PRKCZ: variants seen among roughly 807,000 people sequenced by gnomAD.
PRKCZ encodes the protein protein kinase C zeta, also known as protein kinase C zeta type.
Under a neutral mutation model 79.5 loss-of-function variants are expected in PRKCZ, and 33 were observed. The ratio of observed to expected loss-of-function variants is 0.41; its 90% CI spans 0.31 to 0.55. The LOEUF is 0.55. Among genes scored for constraint, PRKCZ ranks in the 20% least tolerant of loss-of-function variants. The pLI is 0.19. For synonymous variants in PRKCZ, 342 were observed against 320.9 expected, an observed-to-expected ratio of 1.07 and a Z score of -0.70; for missense variants, 578 against 813.5, an observed-to-expected ratio of 0.71 and a Z score of 3.52.
intron 4 of PRKCZ, among the ~76,000 whole-genome samples, chr1:2,106,700 CGGTGGGCG>C (rs1557575181): frequency 7.0e-4 from 34 of 48,462 alleles, no homozygotes; most frequent in African/African-American, 3.2e-3. Context: ...CAAGCCCCTC[CGGTGGGCG>C]AGGACCTCCA....
At chr1:2,167,464 CG>C (rs1683559217) in intron 10 of PRKCZ, among the ~76,000 whole-genome samples, 1 of 151,986 alleles carries the variant, frequency 6.6e-6, no homozygotes, top group Admixed American at 6.6e-5. Flanking sequence ...CCTTCCCAGG[CG>C]CCGCAGCAGC....
chr1:2,181,184 C>T (rs1572050397), intron 16 of PRKCZ, among the ~76,000 whole-genome samples: 1 of 152,196 alleles, frequency 6.6e-6, no homozygotes, highest in East Asian at 1.9e-4. Flanking sequence ...CCCCCTCAGC[C>T]CCTTCACTCG....
intron 4 of PRKCZ, among the ~76,000 whole-genome samples, chr1:2,099,146 C>A (rs1667033204): frequency 6.6e-6 from 1 of 152,212 alleles, no homozygotes; most frequent in Non-Finnish European, 1.5e-5. Context: ...AGGAGCCACA[C>A]AGCTGTGTGG....
At chr1:2,107,425 T>C (rs984622456) in intron 4 of PRKCZ, among the ~76,000 whole-genome samples, 12 of 152,222 alleles carry the variant, frequency 7.9e-5, no homozygotes, top group African/African-American at 2.9e-4. Context: ...CCCGTGCCCG[T>C]TGGGCTGGGC....
At chr1:2,130,471 C>T (rs1388705797) in intron 4 of PRKCZ, among the ~76,000 whole-genome samples, 1 of 152,208 alleles carries the variant, frequency 6.6e-6, no homozygotes, top group Non-Finnish European at 1.5e-5. Flanking sequence ...CTGCCCAAAA[C>T]TCCCACCTCG....
At chr1:2,160,955 C>T (rs1466373144) in intron 10 of PRKCZ, among the ~76,000 whole-genome samples, 2 of 141,252 alleles carry the variant, frequency 1.4e-5, no homozygotes, top group African/African-American at 3.2e-5. Context: ...GAGGAGGCGC[C>T]GCCGTCGGGG....
chr1:2,182,757 G>C lies in PRKCZ; in HGVS notation c.1576-1826G>C, dbSNP rs1193981652. On this transcript the variant is annotated intron_variant, in intron 16 of 17. Coordinates refer to ENST00000378567, the MANE Select transcript of PRKCZ (RefSeq NM_002744.6). The stretch of plus-strand genomic sequence containing the variant: ...CAGTGGGTGCCTGTTGTGACAGCTG[G>C]ATTTCAGTGTTGGTACAGGAGCACA... 1.9e-5 allele frequency: 3 copies of C among 154,740 alleles called. No individual in the cohort carries two copies. In the East Asian group the frequency reaches 5.8e-4, roughly 30 times the overall value. 9.6% of individuals were successfully genotyped at this position (154,740 alleles called of 1,614,324 possible).
At chr1:2,135,084 C>T (rs899289522) in intron 4 of PRKCZ, 178 bp from the exon 5 acceptor site, 3 of 547,624 alleles carry the variant, frequency 5.5e-6, no homozygotes, top group African/African-American at 3.8e-5. Context: ...CCATGAGGAT[C>T]ATGTGAGGAG....
intron 4 of PRKCZ, among the ~76,000 whole-genome samples, chr1:2,129,950 T>A (rs1053224956): frequency 7.2e-5 from 11 of 152,210 alleles, no homozygotes; most frequent in Non-Finnish European, 1.5e-4. Context: ...TTGCCCAGGC[T>A]GGAATACAGT....
chr1:2,059,533 T>C lies in PRKCZ; in HGVS notation c.284-8T>C. ...TCTTGACGCTGTCTCTTTCTCTCTC[T>C]TGTCCAGTTTTCCCGAGCACCCCTG... On this transcript the variant is annotated splice_polypyrimidine_tract_variant and splice_region_variant and intron_variant, in intron 3 of 17. Transcript: ENST00000378567. The C allele has an allele frequency of 4.3e-6, 7 of 1,614,124 alleles. No homozygotes were observed. Among genetic ancestry groups the C allele is most frequent in the Non-Finnish European group, 5.9e-6 (7 of 1,179,956 alleles).
At chr1:2,084,554 C>T (rs1664144510) in intron 4 of PRKCZ, among the ~76,000 whole-genome samples, 3 of 152,340 alleles carry the variant, frequency 2.0e-5, no homozygotes, top group African/African-American at 7.2e-5. Context: ...CACCCGCCTG[C>T]GGTCCTGTGT....
chr1:2,158,304 A>G (rs1449373578), intron 10 of PRKCZ, among the ~76,000 whole-genome samples: 3 of 152,118 alleles, frequency 2.0e-5, no homozygotes, highest in Non-Finnish European at 4.4e-5. Context: ...TCCTGCCTCA[A>G]AGCTCCTCTG....
At chr1:2,107,722 G>A (rs1205257239) in intron 4 of PRKCZ, among the ~76,000 whole-genome samples, 3 of 152,102 alleles carry the variant, frequency 2.0e-5, no homozygotes, top group Non-Finnish European at 2.9e-5. Flanking sequence ...GTGCCTCTCC[G>A]GCCTGTGCCT....
chr1:2,123,595 A>G lies in PRKCZ; in HGVS notation c.335-11667A>G, dbSNP rs867043739. ...CGGTGGTAGTTAGGGTCACGGTGGTAGTTAGGGTCACGGTGGTGGTTAGGG... is the reference window on the plus strand; with the variant it reads ...CGGTGGTAGTTAGGGTCACGGTGGTGGTTAGGGTCACGGTGGTGGTTAGGG... On this transcript the variant is annotated intron_variant, in intron 4 of 17. Coordinates refer to ENST00000378567, the MANE Select transcript of PRKCZ (RefSeq NM_002744.6). Among the ~76,000 whole-genome samples the G allele has an allele frequency of 1.3e-4, 6 of 47,396 alleles. 1 individual carries two copies. Among genetic ancestry groups the G allele is most frequent in the Admixed American group, 2.5e-4 (1 of 4,004 alleles). The allele number at this position is 47,396 out of a possible 152,430, so 31.1% of individuals were successfully genotyped here. A position where few individuals can be genotyped will look rare whatever the true frequency, so the allele number is the denominator to read the frequency against.
At chr1:2,159,585 T>C (rs1002746873) in intron 10 of PRKCZ, among the ~76,000 whole-genome samples, 13 of 152,362 alleles carry the variant, frequency 8.5e-5, no homozygotes, top group Admixed American at 8.5e-4. Context: ...AGAATCAGAA[T>C]TGCTTTCTTT....
intron 1 of PRKCZ, among the ~76,000 whole-genome samples, chr1:2,055,017 G>A (rs1014011272): frequency 1.2e-4 from 18 of 149,978 alleles, no homozygotes; most frequent in Non-Finnish European, 8.9e-5. Flanking sequence ...ATCTCGGCTC[G>A]CTGCAAGCTC....
Position 2,174,183 on chromosome 1 carries a change from G to A in PRKCZ, c.1405+167G>A, listed in dbSNP as rs1010045143. On this transcript the variant is annotated intron_variant, in intron 14 of 17. Coordinates refer to ENST00000378567, the MANE Select transcript of PRKCZ (RefSeq NM_002744.6). The surrounding 1 kb of genome is among the most constrained non-coding windows in gnomAD (Gnocchi z 6.2). Reference sequence around the variant, plus strand: ...GACCCTGTGTCACATGCCACTCCCCGGGCCGTGGGGTGGGGTTACCACACC... The same window carrying A: ...GACCCTGTGTCACATGCCACTCCCCAGGCCGTGGGGTGGGGTTACCACACC... Among the ~76,000 whole-genome samples the A allele has an allele frequency of 1.3e-5, 2 of 152,126 alleles. No homozygotes were observed. The highest frequency in any genetic ancestry group is 2.4e-5 in the African/African-American group (1 of 41,436).
rs773079825 is a variant in PRKCZ at position 2,169,121 on chromosome 1, C to A, written c.975-397C>A. The A allele has an allele frequency of 8.7e-6, 4 of 457,662 alleles. No homozygotes were observed. In the Admixed American group the frequency reaches 9.4e-5, roughly 11 times the overall value. 28.4% of individuals were successfully genotyped at this position (457,662 alleles called of 1,614,324 possible). A position where few individuals can be genotyped will look rare whatever the true frequency, so the allele number is the denominator to read the frequency against. The stretch of plus-strand genomic sequence containing the variant: ...GCCACCCCACCCGTGACCTGCGGTG[C>A]TGTCCCCATGCAAGAAACTGCCTCG... On this transcript the variant is annotated intron_variant, in intron 10 of 17. Coordinates refer to ENST00000378567, the MANE Select transcript of PRKCZ (RefSeq NM_002744.6).
At chr1:2,142,540 T>C (rs986471654) in intron 5 of PRKCZ, 5 of 285,738 alleles carry the variant, frequency 1.7e-5, no homozygotes, top group African/African-American at 9.2e-5. Flanking sequence ...TTAAGCTAGA[T>C]TGGCCCGGAA....
Sources: gnomAD v4.1 joint callset for allele counts (sites outside exome capture counted in the v4.1 genomes callset) on GRCh38, gnomAD v4.1.1 for gene constraint, Gnocchi (gnomAD v3.1) non-coding constraint, MANE v1.5 for transcripts, NCBI Gene and HGNC (gene_info 2026-07-23, HGNC 2026-07-21) for gene names.